The following WT1 variants were observed in gnomAD, a reference collection of about 807,000 sequenced individuals.
WT1 encodes WT1 transcription factor.
In WT1, 8 loss-of-function variants were observed where a neutral mutation model predicts 60.8. The observed-to-expected ratio is 0.13, with a 90% CI of 0.08 to 0.24. WT1 has a LOEUF of 0.24. WT1 is among the 10% of genes least tolerant of loss of function. WT1 has a pLI of 1.00. For missense variants in WT1, 568 were observed against 711.8 expected (o/e 0.80, Z 2.30); for synonymous variants, 312 against 297.1 (o/e 1.05, Z -0.52).
intron 3 of WT1, among the ~76,000 whole-genome samples, chr11:32,418,244 T>TAAA (rs35515910): frequency 2.8e-4 from 36 of 129,622 alleles, no homozygotes; most frequent in Non-Finnish European, 4.3e-4. Flanking sequence ...CAAGTCAAAT[T>TAAA]AAAAAAAAAA....
chr11:32,409,609 A>C (rs1010866540), intron 5 of WT1, among the ~76,000 whole-genome samples: 1 of 152,016 alleles, frequency 6.6e-6, no homozygotes, highest in African/African-American at 2.4e-5. Flanking sequence ...TAGGCATGCC[A>C]ATATGCCCAG....
intron 8 of WT1, 73 bp from the exon 9 acceptor site, chr11:32,392,137 G>A (rs5030291): frequency 4.6e-5 from 62 of 1,338,186 alleles, no homozygotes; most frequent in South Asian, 2.8e-4. Context: ...GCTGACTTCC[G>A]GCAGCTGGAG....
At position 32,398,098 on chromosome 11, in the gene WT1, A is replaced by G. The variant is rs574270873; in HGVS notation, c.1114-1691T>C. 3.3e-5 allele frequency among the ~76,000 whole-genome samples: 5 copies of G among 152,304 alleles called. No individual in the cohort carries two copies. In the South Asian group the frequency reaches 1.0e-3, roughly 32 times the overall value. On this transcript the variant is annotated intron_variant, in intron 6 of 9. Transcript: ENST00000452863. ...GGGGAGAGGCTTGATGTCTCCCTAAACCGTCGTCAGATTTCCGTATTTCTG... is the reference window on the plus strand; with the variant it reads ...GGGGAGAGGCTTGATGTCTCCCTAAGCCGTCGTCAGATTTCCGTATTTCTG...
chr11:32,399,615 A>C (rs1852084968), intron 6 of WT1, among the ~76,000 whole-genome samples: 1 of 152,244 alleles, frequency 6.6e-6, no homozygotes, highest in Non-Finnish European at 1.5e-5. Flanking sequence ...TAGAAGTCAA[A>C]GGTCCAAGCG....
intron 3 of WT1, among the ~76,000 whole-genome samples, chr11:32,425,328 GA>G (rs11309547): frequency 0.21 from 31,440 of 151,914 alleles, 4,566 homozygotes; most frequent in African/African-American, 0.41. Context: ...ACTTTAGAGA[GA>G]AAAAATGAAT....
chr11:32,404,026 C>T lies in WT1; in HGVS notation c.1017-3982G>A, dbSNP rs546441212. On this transcript the variant is annotated intron_variant, in intron 5 of 9. Transcript: ENST00000452863. ...TGGTGGCTCACGCCTGTAATCCCAG[C>T]ACTTTGGGAGGCCGAGGCAGGCGGA... 2.0e-5 allele frequency among the ~76,000 whole-genome samples: 3 copies of T among 152,156 alleles called. 1 individual carries two copies. In the East Asian group the frequency reaches 5.9e-4, roughly 30 times the overall value.
Position 32,435,291 on chromosome 11 carries a change from G to A in WT1, c.70C>T (p.Arg24Cys), listed in dbSNP as rs878855086. Residue 24 changes from arginine to cysteine, a missense_variant, in exon 1 of 10, where the codon CGC becomes TGC. Physicochemically the swap from Arg to Cys is radical, Grantham distance 180. Coordinates refer to ENST00000452863, the MANE Select transcript of WT1 (RefSeq NM_024426.6). ...TGCTGTAGGCACCCAGGCCCGGAGC[G>A]GAGCGTGTGCTGAGACGCCGGCTCC... The A allele has an allele frequency of 1.2e-5, 18 of 1,533,586 alleles. No individual in the cohort carries two copies. The highest frequency in any genetic ancestry group is 6.9e-5 in the African/African-American group (5 of 72,926). 95.0% of individuals were successfully genotyped at this position (1,533,586 alleles called of 1,614,324 possible).
chr11:32,393,467 G>A (rs1277650658), intron 7 of WT1, among the ~76,000 whole-genome samples: 1 of 152,218 alleles, frequency 6.6e-6, no homozygotes, highest in Admixed American at 6.5e-5. Context: ...AGAGAAGTGA[G>A]CAACCCCAGG....
At chr11:32,420,993 G>A (rs532403761) in intron 3 of WT1, among the ~76,000 whole-genome samples, 2 of 152,312 alleles carry the variant, frequency 1.3e-5, no homozygotes, top group South Asian at 2.1e-4. Flanking sequence ...GATAGGATCA[G>A]AGCACAGTTT....
rs147126640 is a variant in WT1, at chr11:32,396,381, G to T, written c.1140C>A (p.Ala380=). Residue 380 remains alanine (A), a synonymous_variant, in exon 7 of 10, where the codon GCC becomes GCA. Coordinates refer to ENST00000452863, the MANE Select transcript of WT1 (RefSeq NM_024426.6). Reference sequence around the variant, plus strand: ...CAGATGCCGACCGTACAAGAGTCGGGGCTACTCCAGGCACACGTCGCACAT... The same window carrying T: ...CAGATGCCGACCGTACAAGAGTCGGTGCTACTCCAGGCACACGTCGCACAT... 9.9e-6 allele frequency: 16 copies of T among 1,613,974 alleles called. No individual in the cohort carries two copies. In the African/African-American group the frequency reaches 1.9e-4, roughly 19 times the overall value.
intron 5 of WT1, among the ~76,000 whole-genome samples, chr11:32,407,326 A>G (rs943909955): frequency 1.3e-5 from 2 of 152,208 alleles, no homozygotes; most frequent in African/African-American, 4.8e-5. Flanking sequence ...GATATTCCAC[A>G]GGCACATGAA....
In WT1 at chr11:32,434,844, A is replaced by AGG; in HGVS notation, c.516_517insCC (p.Phe173ProfsTer119). The AGG allele has an allele frequency of 6.2e-7, 1 of 1,612,588 alleles. No individual in the cohort carries two copies. The highest frequency in any genetic ancestry group is 8.5e-7 in the Non-Finnish European group (1 of 1,179,826). ...CGACAGGCTCCGGCTGTGCCAGTGA[A>AGG]CTGGCCGGAAAAGTGGACAGTGAAG... is the stretch of plus-strand genomic sequence containing the variant. On this transcript the variant is annotated frameshift_variant, in exon 1 of 10. Coordinates refer to ENST00000452863, the MANE Select transcript of WT1 (RefSeq NM_024426.6). LOFTEE classifies it high-confidence loss of function.
chr11:32,425,507 A>G (rs1853004817), intron 3 of WT1, among the ~76,000 whole-genome samples: 1 of 152,238 alleles, frequency 6.6e-6, no homozygotes, highest in Non-Finnish European at 1.5e-5. Flanking sequence ...GGGAAACCAT[A>G]TAACTGTAGT....
rs2133103410 is a variant in WT1 at position 32,434,928 on chromosome 11, T to C, written c.433A>G (p.Ile145Val). ...CCGCCCCAGCTCGGCTCCTGTTTGA[T>C]GAAGGAGTGAGGCGGCGGCGGCGGG... The change falls in exon 1 of 10, where the codon ATC becomes GTC. Residue 145 changes from isoleucine to valine, a missense_variant. Around this residue, in one of 3 missense-constraint regions of WT1, gnomAD observed 523 missense variants for 565.1 expected, o/e 0.93. Transcript: ENST00000452863. 6.2e-7 allele frequency: 1 copy of C among 1,603,408 alleles called. No individual in the cohort carries two copies. Among genetic ancestry groups the C allele is most frequent in the South Asian group, 1.1e-5 (1 of 90,212 alleles).
intron 5 of WT1, among the ~76,000 whole-genome samples, chr11:32,407,752 AC>A (rs1852360643): frequency 6.6e-6 from 1 of 152,208 alleles, no homozygotes; most frequent in Non-Finnish European, 1.5e-5. Context: ...AGCCTTGAGA[AC>A]CATCACCCCC....
rs531076591 is a variant in WT1 at position 32,434,932 on chromosome 11, G to C, written c.429C>G (p.Ser143=). 5 of 1,597,140 alleles carry C rather than the reference G, an allele frequency of 3.1e-6. No homozygotes were observed. The African/African-American group carries it at 4.0e-5, about 13-fold the overall frequency. ...CCCAGCTCGGCTCCTGTTTGATGAAGGAGTGAGGCGGCGGCGGCGGGGGTG... is the reference window on the plus strand; with the variant it reads ...CCCAGCTCGGCTCCTGTTTGATGAACGAGTGAGGCGGCGGCGGCGGGGGTG... The change falls in exon 1 of 10, where the codon TCC becomes TCG. Residue 143 remains serine, a synonymous_variant. Transcript: ENST00000452863.
intron 2 of WT1, among the ~76,000 whole-genome samples, 181 bp from the exon 3 acceptor site, chr11:32,428,239 C>G (rs879826190): frequency 6.6e-6 from 1 of 152,198 alleles, no homozygotes; most frequent in Non-Finnish European, 1.5e-5. Flanking sequence ...TTGCATTCCC[C>G]TAGCAGTCGC....
intron 5 of WT1, among the ~76,000 whole-genome samples, chr11:32,401,717 T>C (rs1564977222): frequency 6.6e-6 from 1 of 151,996 alleles, no homozygotes; most frequent in Non-Finnish European, 1.5e-5. Flanking sequence ...TTTTTGTACT[T>C]TTAGTAGAGA....
intron 1 of WT1, among the ~76,000 whole-genome samples, chr11:32,430,253 T>A (rs1182763726): frequency 6.6e-6 from 1 of 152,084 alleles, no homozygotes; most frequent in Non-Finnish European, 1.5e-5. Flanking sequence ...CTCTCCTGCA[T>A]GGGCGAGCAC....
Sources: allele counts gnomAD v4.1 joint callset (sites outside exome capture counted in the v4.1 genomes callset), GRCh38; gene constraint gnomAD v4.1.1; regional missense constraint gnomAD v4.1.1; transcripts MANE v1.5; gene names NCBI Gene and HGNC (gene_info 2026-07-23, HGNC 2026-07-21).